The following DISC1 variants were observed in gnomAD, a reference collection of about 807,000 sequenced individuals.
DISC1 encodes DISC1 scaffold protein, also known as disrupted in schizophrenia 1 protein.
In DISC1, 57 loss-of-function variants were observed where a neutral mutation model predicts 84.5. The observed-to-expected ratio is 0.67, with a 90% confidence interval of 0.55 to 0.84. The LOEUF is 0.84. Ranked by LOEUF, DISC1 falls within the 40% of genes least tolerant of loss-of-function variation. The probability of loss-of-function intolerance (pLI) is 0.00; values close to 1 mark genes in which losing one functional copy is unlikely to be tolerated. For missense variants in DISC1, 1,000 were observed against 1,057.8 expected, an observed-to-expected ratio of 0.95 and a Z score of 0.76; for synonymous variants, 411 against 415.2, an observed-to-expected ratio of 0.99 and a Z score of 0.12.
rs1398786846 is a variant in DISC1 at position 232,031,419 on chromosome 1, G to T, written c.2425+4867G>T. On this transcript the variant is annotated intron_variant, in intron 12 of 12. Transcript: ENST00000439617. The surrounding 1 kb of genome is among the most constrained non-coding windows in gnomAD (Gnocchi z 4.6). ...GAAGGGAAGAAGGGAAGGGAGAAGA[G>T]ACAAGGGAAAGGAGAAGGGAAAAGG... 6.7e-6 allele frequency among the ~76,000 whole-genome samples: 1 copy of T among 148,510 alleles called. No individual in the cohort carries two copies. Among genetic ancestry groups the T allele is most frequent in the African/African-American group, 2.5e-5 (1 of 40,186 alleles).
intron 3 of DISC1, among the ~76,000 whole-genome samples, chr1:231,711,019 G>C (rs1261337602): frequency 3.9e-5 from 6 of 151,974 alleles, no homozygotes; most frequent in African/African-American, 1.4e-4. Context: ...ACATTTGATT[G>C]AAACTTTTTT....
At position 231,792,220 on chromosome 1, in the gene DISC1, C is replaced by T. The variant is rs867091181; in HGVS notation, c.1635-3022C>T. Among the ~76,000 whole-genome samples the T allele has an allele frequency of 1.4e-4, 22 of 152,270 alleles. No homozygotes were observed. The South Asian group carries it at 1.7e-3, about 11-fold the overall frequency. On this transcript the variant is annotated intron_variant, in intron 6 of 12. Transcript: ENST00000439617. ...AAATCAAATTAAATATAAAACAATGCATTTAATTATCTGCATCACTGCCCC... is the reference window on the plus strand; with the variant it reads ...AAATCAAATTAAATATAAAACAATGTATTTAATTATCTGCATCACTGCCCC...
At chr1:231,884,384 A>G (rs1418719913) in intron 9 of DISC1, among the ~76,000 whole-genome samples, 4 of 152,146 alleles carry the variant, frequency 2.6e-5, no homozygotes, top group South Asian at 2.1e-4. Flanking sequence ...TGCTTAGGAT[A>G]ATGGCTTCCA....
At chr1:231,934,795 C>G (rs962831474) in intron 9 of DISC1, among the ~76,000 whole-genome samples, 6 of 152,074 alleles carry the variant, frequency 3.9e-5, no homozygotes, top group African/African-American at 1.4e-4. Context: ...AGAGATAACC[C>G]AAAGGTTACT....
chr1:231,885,071 T>C (rs2086586308), intron 9 of DISC1, among the ~76,000 whole-genome samples: 1 of 152,206 alleles, frequency 6.6e-6, no homozygotes, highest in South Asian at 2.1e-4. Context: ...GGCAGCCTCT[T>C]CATTTGATGT....
intron 9 of DISC1, among the ~76,000 whole-genome samples, chr1:231,871,803 C>A (rs775847609): frequency 1.2e-4 from 18 of 152,086 alleles, no homozygotes; most frequent in Admixed American, 9.8e-4. Flanking sequence ...GGTGGTGAGA[C>A]CAGCTCTGAA....
At chr1:231,956,160 C>T (rs1659461686) in intron 9 of DISC1, among the ~76,000 whole-genome samples, 1 of 152,204 alleles carries the variant, frequency 6.6e-6, no homozygotes, top group African/African-American at 2.4e-5. Flanking sequence ...CCATGCTGAG[C>T]TCCAGTTTAT....
intron 11 of DISC1, among the ~76,000 whole-genome samples, chr1:232,016,484 C>G (rs1668502200): frequency 6.6e-6 from 1 of 152,170 alleles, no homozygotes; most frequent in Non-Finnish European, 1.5e-5. Flanking sequence ...ATTATTTTCT[C>G]AGAGGGTTCT....
chr1:231,662,976 TAAACAAAACA>T (rs753409960), intron 1 of DISC1, among the ~76,000 whole-genome samples: 1 of 151,902 alleles, frequency 6.6e-6, no homozygotes, highest in African/African-American at 2.4e-5. Context: ...GACTCTGTCT[TAAACAAAACA>T]AAACAAAACA....
At chr1:231,832,934 G>A (rs1379597778) in intron 9 of DISC1, among the ~76,000 whole-genome samples, 4 of 110,268 alleles carry the variant, frequency 3.6e-5, no homozygotes, top group South Asian at 3.0e-4. Context: ...ATTTTAAAGA[G>A]TGCTGTGGGA....
At chr1:231,741,435 G>A (rs1421285366) in intron 3 of DISC1, among the ~76,000 whole-genome samples, 1 of 152,152 alleles carries the variant, frequency 6.6e-6, no homozygotes, top group African/African-American at 2.4e-5. Flanking sequence ...ACAAAACAAG[G>A]GAATCTAAAG....
At chr1:231,959,247 C>T (rs1043419538) in intron 10 of DISC1, 47 of 1,001,524 alleles carry the variant, frequency 4.7e-5, no homozygotes, top group Non-Finnish European at 5.3e-5. Context: ...GATTTTAAGG[C>T]GGTTTATACA....
intron 9 of DISC1, among the ~76,000 whole-genome samples, chr1:231,906,375 T>G (rs2088642309): frequency 6.6e-6 from 1 of 152,214 alleles, no homozygotes. Context: ...GTACAATGCC[T>G]GATATTTTTG....
At chr1:231,993,339 G>A (rs199548659) in intron 10 of DISC1, among the ~76,000 whole-genome samples, 62 of 151,504 alleles carry the variant, frequency 4.1e-4, no homozygotes, top group Non-Finnish European at 7.1e-4. Flanking sequence ...ATTTGAAAAG[G>A]AATAAGAGGC....
At chr1:231,892,622 C>T (rs2087324128) in intron 9 of DISC1, among the ~76,000 whole-genome samples, 1 of 151,760 alleles carries the variant, frequency 6.6e-6, no homozygotes, top group Non-Finnish European at 1.5e-5. Context: ...ACGTGATCTT[C>T]ACTCTGATGG....
chr1:231,813,459 G>A (rs1001256878), intron 8 of DISC1: 2 of 152,272 alleles, frequency 1.3e-5, no homozygotes, highest in African/African-American at 4.8e-5. Flanking sequence ...GCTCCCCAGA[G>A]CATGGGGTCC....
chr1:231,789,552 A>G (rs979756465), intron 6 of DISC1, among the ~76,000 whole-genome samples: 7 of 152,216 alleles, frequency 4.6e-5, no homozygotes, highest in Admixed American at 1.3e-4. Flanking sequence ...ATTTCAGAGG[A>G]GAGGTGCCCG....
Position 231,818,424 on chromosome 1 carries a change from G to C in DISC1, c.1888G>C (p.Val630Leu), listed in dbSNP as rs1238276682. 1 of 1,614,210 alleles carries C rather than the reference G, an allele frequency of 6.2e-7. No individual in the cohort carries two copies. The highest frequency in any genetic ancestry group is 1.1e-5 in the South Asian group (1 of 91,090). ...GLEGLLSKLLVLSSRNVKKLG... is the reference protein window; with the variant it reads ...GLEGLLSKLLLLSSRNVKKLG... ...GGAGGGACTCCTCAGCAAGCTGTTG[G>C]TGTTGAGTTCCAGGAATGTCAAAAA... is the stretch of plus-strand genomic sequence containing the variant. Residue 630 changes from valine to leucine, a missense_variant, in exon 9 of 13, where the codon GTG becomes CTG. Coordinates refer to ENST00000439617, the MANE Select transcript of DISC1 (RefSeq NM_018662.3).
intron 9 of DISC1, among the ~76,000 whole-genome samples, chr1:231,879,043 G>A (rs1199801408): frequency 6.6e-6 from 1 of 151,880 alleles, no homozygotes; most frequent in Admixed American, 6.6e-5. Flanking sequence ...CAGTACTACA[G>A]GTTGAGTATC....
Sources: gnomAD v4.1 joint callset for allele counts (sites outside exome capture counted in the v4.1 genomes callset) on GRCh38, gnomAD v4.1.1 for gene constraint, Gnocchi (gnomAD v3.1) non-coding constraint, MANE v1.5 for transcripts, NCBI Gene and HGNC (gene_info 2026-07-23, HGNC 2026-07-21) for gene names.